Variants in LAP3 observed in about 807,000 individuals in gnomAD.
LAP3 encodes the protein leucine aminopeptidase 3.
LAP3 carries 46 observed loss-of-function variants against 58.8 expected under a neutral mutation model. The ratio of observed to expected loss-of-function variants is 0.78; its 90% CI spans 0.62 to 1.00. The LOEUF (loss-of-function observed/expected upper bound fraction) is 1.00. Ranked by LOEUF, LAP3 falls within the 50% of genes least tolerant of loss-of-function variation. LAP3 has a pLI of 0.00. For synonymous variants in LAP3, 257 were observed against 237.7 expected, an observed-to-expected ratio of 1.08 and a Z score of -0.75; for missense variants, 615 against 659.1, an observed-to-expected ratio of 0.93 and a Z score of 0.73.
At chr4:17,588,608 A>G (rs572370271) in intron 6 of LAP3, among the ~76,000 whole-genome samples, 2 of 152,328 alleles carry the variant, frequency 1.3e-5, no homozygotes, top group African/African-American at 2.4e-5. Context: ...TACAGACCTC[A>G]TTTTATAGAT....
chr4:17,583,484 G>C lies in LAP3; in HGVS notation c.381G>C (p.Ala127=). ...GKENIRAAVA[A]GCRQIQDLEL... is the part of the protein sequence containing the mutation. ...TTCTGATTCCTCTGTCTTTTCAAGC[G>C]GGGTGCAGGCAGATTCAAGACCTGG... is the stretch of plus-strand genomic sequence containing the variant. Residue 127 remains alanine (A), a splice_region_variant and synonymous_variant, in exon 5 of 13, where the codon GCG becomes GCC. Coordinates refer to ENST00000226299, the MANE Select transcript of LAP3 (RefSeq NM_015907.3). The C allele has an allele frequency of 9.9e-6, 16 of 1,613,528 alleles. No homozygotes were observed. Among genetic ancestry groups the C allele is most frequent in the Non-Finnish European group, 1.4e-5 (16 of 1,180,006 alleles).
At chr4:17,583,047 T>C (rs1713405046) in intron 4 of LAP3, among the ~76,000 whole-genome samples, 1 of 152,374 alleles carries the variant, frequency 6.6e-6, no homozygotes, top group South Asian at 2.1e-4. Flanking sequence ...TTTGCTGACC[T>C]GATCTTAATA....
At chr4:17,605,331 G>T (rs976731093) in intron 11 of LAP3, among the ~76,000 whole-genome samples, 1 of 152,084 alleles carries the variant, frequency 6.6e-6, no homozygotes, top group Non-Finnish European at 1.5e-5. Context: ...GTTCCCTTTG[G>T]CCGCCCTTTG....
intron 8 of LAP3, among the ~76,000 whole-genome samples, chr4:17,595,766 C>T (rs1179281709): frequency 1.3e-5 from 2 of 152,094 alleles, no homozygotes; most frequent in African/African-American, 4.8e-5. Flanking sequence ...TTCACTTCTG[C>T]AAAAAGTGGC....
intron 9 of LAP3, among the ~76,000 whole-genome samples, chr4:17,598,020 C>T (rs1270651002): frequency 6.6e-6 from 1 of 152,186 alleles, no homozygotes; most frequent in African/African-American, 2.4e-5. Context: ...AGCTCTTTAA[C>T]CTCATTTTTG....
intron 10 of LAP3, among the ~76,000 whole-genome samples, chr4:17,602,881 A>G (rs28528916): frequency 0.63 from 95,473 of 151,128 alleles, 30,588 homozygotes; most frequent in East Asian, 0.89. Flanking sequence ...GGGGTTTCAC[A>G]GTGTTGGTCA....
At chr4:17,590,312 T>G (rs553224481) in intron 7 of LAP3, among the ~76,000 whole-genome samples, 4 of 152,268 alleles carry the variant, frequency 2.6e-5, no homozygotes, top group South Asian at 2.1e-4. Context: ...TTGTGCCCTT[T>G]CTGGAATGCT....
At chr4:17,580,060 C>A in intron 2 of LAP3, 121 bp downstream of exon 2, 1 of 539,602 alleles carries the variant, frequency 1.9e-6, no homozygotes. Context: ...TGCAGTGGCA[C>A]GATCTTGACT....
chr4:17,603,006 A>T (rs1328524189), intron 10 of LAP3, among the ~76,000 whole-genome samples: 1 of 151,340 alleles, frequency 6.6e-6, no homozygotes, highest in Admixed American at 6.6e-5. Context: ...TAAATTTTTA[A>T]AGCATAAAAG....
chr4:17,578,236 G>C (rs1169152369), intron 1 of LAP3, among the ~76,000 whole-genome samples: 3 of 152,174 alleles, frequency 2.0e-5, no homozygotes, highest in African/African-American at 7.2e-5. Context: ...GCAGAAGAAC[G>C]TTCTAGGGGG....
At chr4:17,584,381 A>G (rs917153733) in intron 5 of LAP3, among the ~76,000 whole-genome samples, 3 of 152,232 alleles carry the variant, frequency 2.0e-5, no homozygotes, top group Non-Finnish European at 4.4e-5. Flanking sequence ...CTTCTAGGCC[A>G]TCTACTGTTA....
At position 17,581,307 on chromosome 4, in the gene LAP3, C is replaced by T. The variant is rs528448707; in HGVS notation, c.219-453C>T. ...AGATTCATTCGGTTCAGCGTCAATC[C>T]GTGCTCAGATGCCTTGTGCAGCTGT... On this transcript the variant is annotated intron_variant, in intron 2 of 12. Coordinates refer to ENST00000226299, the MANE Select transcript of LAP3 (RefSeq NM_015907.3). 1.7e-3 allele frequency among the ~76,000 whole-genome samples: 257 copies of T among 152,310 alleles called. 1 individual carries two copies. The highest frequency in any genetic ancestry group is 2.9e-3 in the Non-Finnish European group (195 of 68,032).
chr4:17,579,987 A>C, intron 2 of LAP3, 48 bp downstream of exon 2: 1 of 1,106,558 alleles, frequency 9.0e-7, no homozygotes, highest in Non-Finnish European at 1.3e-6. Context: ...CCCAAATCGA[A>C]ACAGTATTTT....
intron 4 of LAP3, 67 bp from the exon 5 acceptor site, chr4:17,583,416 C>G (rs985052730): frequency 6.4e-7 from 1 of 1,568,948 alleles, no homozygotes; most frequent in South Asian, 1.1e-5. Context: ...CACATCATGC[C>G]TCTGCTGTCT....
chr4:17,598,199 A>G (rs1479879781), intron 9 of LAP3, among the ~76,000 whole-genome samples: 2 of 152,240 alleles, frequency 1.3e-5, no homozygotes, highest in Middle Eastern at 3.4e-3. Context: ...GGGTTTCACC[A>G]TCTTGCCTAG....
In LAP3 at chr4:17,577,209, C is replaced by A; in HGVS notation, c.-257C>A. ...CCGCATGCGCGGGCGCACACGAATG[C>A]GGGCGCACACGAATGCGGGCGCACA... is the stretch of plus-strand genomic sequence containing the variant. On this transcript the variant is annotated 5_prime_UTR_variant, in exon 1 of 13. Transcript: ENST00000226299. 6.0e-6 allele frequency: 2 copies of A among 331,340 alleles called. No homozygotes were observed. Among genetic ancestry groups the A allele is most frequent in the Non-Finnish European group, 1.1e-5 (2 of 183,520 alleles). 20.5% of individuals were successfully genotyped at this position (331,340 alleles called of 1,614,324 possible). A position where few individuals can be genotyped will look rare whatever the true frequency, so the allele number is the denominator to read the frequency against.
chr4:17,607,061 G>T, intron 12 of LAP3, 123 bp downstream of exon 12: 1 of 611,142 alleles, frequency 1.6e-6, no homozygotes, highest in Non-Finnish European at 2.7e-6. Context: ...TGTAGTGCTT[G>T]TAAGATTTTT....
intron 3 of LAP3, 162 bp from the exon 4 acceptor site, chr4:17,582,126 A>C: frequency 1.5e-6 from 1 of 649,710 alleles, no homozygotes; most frequent in East Asian, 2.8e-5. Context: ...CAAAGGTTTT[A>C]AGAAAAAAAA....
intron 11 of LAP3, among the ~76,000 whole-genome samples, chr4:17,606,479 C>T (rs1714143371): frequency 6.6e-6 from 1 of 152,170 alleles, no homozygotes; most frequent in African/African-American, 2.4e-5. Flanking sequence ...GCTGGGACTA[C>T]AGGCGCGCAC....
Sources: gnomAD v4.1 joint callset for allele counts (sites outside exome capture counted in the v4.1 genomes callset) on GRCh38, gnomAD v4.1.1 for gene constraint, MANE v1.5 for transcripts, NCBI Gene and HGNC (gene_info 2026-07-23, HGNC 2026-07-21) for gene names.